The following OXR1 variants were observed in gnomAD, a reference collection of about 807,000 sequenced individuals.
OXR1 encodes the protein oxidation resistance 1, also known as oxidation resistance protein 1.
OXR1 carries 41 observed loss-of-function variants against 104.6 expected under a neutral mutation model. The ratio of observed to expected loss-of-function variants is 0.39; its 90% CI spans 0.31 to 0.51. The LOEUF (loss-of-function observed/expected upper bound fraction) is 0.51, where lower values mean the gene tolerates loss of function less well. Ranked by LOEUF, OXR1 falls within the 20% of genes least tolerant of loss-of-function variation. The probability of loss-of-function intolerance (pLI) is 0.77; values close to 1 mark genes in which losing one functional copy is unlikely to be tolerated. For synonymous variants in OXR1, 348 were observed against 348.4 expected (o/e 1.00, Z 0.01); for missense variants, 955 against 1,031.9 (o/e 0.93, Z 1.02).
chr8:106,506,132 T>A (rs1812141860), intron 2 of OXR1, among the ~76,000 whole-genome samples: 2 of 152,214 alleles, frequency 1.3e-5, no homozygotes, highest in Admixed American at 1.3e-4. Context: ...CATGAGCGAC[T>A]GTGTAGGTGC....
intron 2 of OXR1, among the ~76,000 whole-genome samples, chr8:106,389,262 C>G (rs572169159): frequency 2.8e-4 from 42 of 152,228 alleles, no homozygotes; most frequent in African/African-American, 9.4e-4. Flanking sequence ...GAATTGCATA[C>G]ATTTTGAAAA....
At chr8:106,434,178 ATTAT>A (rs2130571098) in intron 2 of OXR1, among the ~76,000 whole-genome samples, 1 of 152,268 alleles carries the variant, frequency 6.6e-6, no homozygotes, top group South Asian at 2.1e-4. Flanking sequence ...CCATGATTAA[ATTAT>A]TTGTTCTGGT....
chr8:106,425,088 T>G (rs1381932717), intron 2 of OXR1, among the ~76,000 whole-genome samples: 1 of 141,232 alleles, frequency 7.1e-6, no homozygotes, highest in Non-Finnish European at 1.5e-5. Flanking sequence ...GTTTGGTTTT[T>G]TTTTTTTTTT....
At chr8:106,583,996 T>A (rs1818440842) in intron 3 of OXR1, among the ~76,000 whole-genome samples, 1 of 151,324 alleles carries the variant, frequency 6.6e-6, no homozygotes, top group Non-Finnish European at 1.5e-5. Context: ...AAAAGAAAAA[T>A]TGGAAGGAAA....
At chr8:106,528,783 T>C (rs1402979468) in intron 3 of OXR1, among the ~76,000 whole-genome samples, 1 of 152,224 alleles carries the variant, frequency 6.6e-6, no homozygotes, top group African/African-American at 2.4e-5. Context: ...ACCACTGACC[T>C]GGAACGTTCT....
intron 3 of OXR1, among the ~76,000 whole-genome samples, chr8:106,556,951 C>A (rs1816329771): frequency 6.6e-6 from 1 of 152,054 alleles, no homozygotes; most frequent in Non-Finnish European, 1.5e-5. Context: ...CTGAGCAATT[C>A]CCTTCCCTCA....
At chr8:106,559,779 G>T (rs1360311352) in intron 3 of OXR1, among the ~76,000 whole-genome samples, 1 of 152,014 alleles carries the variant, frequency 6.6e-6, no homozygotes, top group East Asian at 1.9e-4. Context: ...CCATTTATGG[G>T]GCGGAACCTC....
intron 3 of OXR1, among the ~76,000 whole-genome samples, chr8:106,667,768 C>T (rs1826497305): frequency 6.6e-6 from 1 of 151,966 alleles, no homozygotes; most frequent in Admixed American, 6.6e-5. Flanking sequence ...TTAAAAATCA[C>T]CTCTAATCCA....
chr8:106,361,738 C>T (rs1816254499), intron 2 of OXR1, among the ~76,000 whole-genome samples: 1 of 152,068 alleles, frequency 6.6e-6, no homozygotes, highest in African/African-American at 2.4e-5. Flanking sequence ...TTTAGTTAAG[C>T]TGTTATAGTC....
In OXR1 at chr8:106,706,031, T is replaced by A. The variant is rs528324155; in HGVS notation, c.861-351T>A. On this transcript the variant is annotated intron_variant, in intron 8 of 16. Coordinates refer to ENST00000517566, the MANE Select transcript of OXR1 (RefSeq NM_001198533.2). ...ATTTCTCTGTGTTTATTTTCCATATTCCATCAGTGAGTAAATTTTAGTTTA... is the reference window on the plus strand; with the variant it reads ...ATTTCTCTGTGTTTATTTTCCATATACCATCAGTGAGTAAATTTTAGTTTA... Among the ~76,000 whole-genome samples the A allele has an allele frequency of 6.3e-4, 96 of 152,308 alleles. 1 individual carries two copies. Among genetic ancestry groups the A allele is most frequent in the African/African-American group, 2.3e-3 (94 of 41,586 alleles).
chr8:106,415,346 T>A (rs764997623), intron 2 of OXR1, among the ~76,000 whole-genome samples: 4 of 152,196 alleles, frequency 2.6e-5, no homozygotes, highest in African/African-American at 4.8e-5. Context: ...GTCATCATTA[T>A]GTTTTCTGCC....
intron 3 of OXR1, among the ~76,000 whole-genome samples, chr8:106,592,597 A>C (rs1186699990): frequency 6.6e-6 from 1 of 152,188 alleles, no homozygotes; most frequent in Non-Finnish European, 1.5e-5. Context: ...AGGCTTTTGA[A>C]GATCTAAGGG....
chr8:106,724,759 G>A (rs1031833494), intron 11 of OXR1, among the ~76,000 whole-genome samples: 14 of 152,140 alleles, frequency 9.2e-5, no homozygotes, highest in African/African-American at 1.4e-4. Context: ...ATGGCTGGAA[G>A]GATACCTGAG....
At chr8:106,391,569 G>C (rs1318791157) in intron 2 of OXR1, among the ~76,000 whole-genome samples, 1 of 152,078 alleles carries the variant, frequency 6.6e-6, no homozygotes, top group Non-Finnish European at 1.5e-5. Context: ...GAGATTTCAA[G>C]TCTGTGTCCC....
intron 2 of OXR1, among the ~76,000 whole-genome samples, chr8:106,404,571 G>A (rs112762043): frequency 8.7e-4 from 133 of 152,060 alleles, no homozygotes; most frequent in African/African-American, 3.0e-3. Flanking sequence ...TAAAAACTGG[G>A]AATTGGAACC....
intron 3 of OXR1, among the ~76,000 whole-genome samples, chr8:106,563,512 G>A (rs532202023): frequency 1.3e-5 from 2 of 152,230 alleles, no homozygotes; most frequent in Admixed American, 1.3e-4. Context: ...GACGTAAAAA[G>A]AGACTAAGAC....
At chr8:106,620,066 T>C (rs2130840051) in intron 3 of OXR1, among the ~76,000 whole-genome samples, 1 of 152,270 alleles carries the variant, frequency 6.6e-6, no homozygotes, top group East Asian at 1.9e-4. Context: ...GAATATTTCA[T>C]ATATAGCACT....
At chr8:106,438,270 C>T (rs1157938557) in intron 2 of OXR1, among the ~76,000 whole-genome samples, 2 of 152,008 alleles carry the variant, frequency 1.3e-5, no homozygotes, top group Non-Finnish European at 2.9e-5. Flanking sequence ...GGGAAGCCCA[C>T]CACAAACCAG....
chr8:106,673,956 G>T (rs907059874), intron 3 of OXR1, among the ~76,000 whole-genome samples: 1 of 152,252 alleles, frequency 6.6e-6, no homozygotes, highest in Non-Finnish European at 1.5e-5. Flanking sequence ...GAAGTTTGCT[G>T]TAGGGGTGGA....
Sources: allele counts gnomAD v4.1 joint callset (sites outside exome capture counted in the v4.1 genomes callset), GRCh38; gene constraint gnomAD v4.1.1; transcripts MANE v1.5; gene names NCBI Gene and HGNC (gene_info 2026-07-23, HGNC 2026-07-21).